The following NRXN2 variants were observed in gnomAD, a reference collection of about 807,000 sequenced individuals.
NRXN2 encodes the protein neurexin 2.
NRXN2 carries 29 observed loss-of-function variants against 128.8 expected under a neutral mutation model. The ratio of observed to expected loss-of-function variants is 0.23; its 90% CI spans 0.17 to 0.31. The LOEUF is 0.31. Among genes scored for constraint, NRXN2 ranks in the 10% least tolerant of loss-of-function variants. NRXN2 has a pLI of 1.00. For synonymous variants in NRXN2, 1,098 were observed against 1,075.2 expected, an observed-to-expected ratio of 1.02 and a Z score of -0.41; for missense variants, 1,881 against 2,452.6, an observed-to-expected ratio of 0.77 and a Z score of 4.92.
intron 2 of NRXN2, among the ~76,000 whole-genome samples, chr11:64,702,803 A>C (rs1310615775): frequency 6.6e-6 from 1 of 150,806 alleles, no homozygotes; most frequent in Non-Finnish European, 1.5e-5. Flanking sequence ...TCAATAAAAA[A>C]AAAAAATTAG....
At chr11:64,669,998 G>A (rs1025566290) in intron 7 of NRXN2, among the ~76,000 whole-genome samples, 2 of 151,954 alleles carry the variant, frequency 1.3e-5, no homozygotes, top group Non-Finnish European at 2.9e-5. Flanking sequence ...ATCTTCCAGC[G>A]ACTGGTCTCC....
chr11:64,607,824 C>A lies in NRXN2; in HGVS notation c.4511G>T (p.Ser1504Ile). ...GFASGEVFDS[S>I]LPPTDDEDFY... ...GTCCTCGTCGTCCGTGGGGGGGAGG[C>A]TGGAGTCAAAGACCTCCCCGGAGGC... Residue 1504 changes from serine (S) to isoleucine (I), a missense_variant, in exon 23 of 23, where the codon AGC becomes ATC. Ser to Ile is a moderately radical substitution (Grantham distance 142, BLOSUM62 -2). Around this residue, in one of 7 missense-constraint regions of NRXN2, gnomAD observed 310 missense variants for 318.2 expected, o/e 0.97. Coordinates refer to ENST00000265459, the MANE Select transcript of NRXN2 (RefSeq NM_015080.4). 6.2e-7 allele frequency: 1 copy of A among 1,602,166 alleles called. No homozygotes were observed. Among genetic ancestry groups the A allele is most frequent in the Non-Finnish European group, 8.5e-7 (1 of 1,174,988 alleles).
At chr11:64,703,800 T>A (rs906262329) in intron 2 of NRXN2, among the ~76,000 whole-genome samples, 5 of 152,152 alleles carry the variant, frequency 3.3e-5, no homozygotes, top group Non-Finnish European at 7.3e-5. Flanking sequence ...GTACCATTTA[T>A]TGATCACTCA....
Position 64,660,957 on chromosome 11 carries a change from G to T in NRXN2, c.1981C>A (p.Leu661Ile). The T allele has an allele frequency of 6.2e-7, 1 of 1,613,916 alleles. No individual in the cohort carries two copies. The highest frequency in any genetic ancestry group is 1.7e-4 in the Middle Eastern group (1 of 6,060). ...RAGYVGCVRDLFIDGRSRDLR... is the reference protein window; with the variant it reads ...RAGYVGCVRDIFIDGRSRDLR... ...TCTCGGCTACGCCCATCTATGAAGAGGTCCCGCACACAGCCCACGTAGCCT... is the reference window on the plus strand; with the variant it reads ...TCTCGGCTACGCCCATCTATGAAGATGTCCCGCACACAGCCCACGTAGCCT... The change falls in exon 10 of 23, where the codon CTC becomes ATC. Residue 661 changes from leucine to isoleucine, a missense_variant. By Grantham distance (5) the Leu-to-Ile change is conservative. Transcript: ENST00000265459. This position sits in a 1 kb window ranked among gnomAD's most constrained non-coding sequence, Gnocchi z 5.2.
rs772124714 is a variant in NRXN2, at chr11:64,652,141, T to C, written c.2430A>G (p.Glu810=). Residue 810 remains glutamate (E), a synonymous_variant, in exon 13 of 23, where the codon GAA becomes GAG. Coordinates refer to ENST00000265459, the MANE Select transcript of NRXN2 (RefSeq NM_015080.4). The part of the protein sequence containing the change: ...RVGCAPSKGP[E]TLFAGHKLND... ...TGAGCTTGTGCCCCGCAAACAGCGT[T>C]TCGGGGCCTTTACCTGCGGCACCAA... 3 of 1,612,440 alleles carry C rather than the reference T, an allele frequency of 1.9e-6. No homozygotes were observed. The Admixed American group carries it at 5.0e-5, about 27-fold the overall frequency.
intron 2 of NRXN2, among the ~76,000 whole-genome samples, chr11:64,708,514 T>C (rs1303836869): frequency 1.3e-5 from 2 of 152,164 alleles, no homozygotes; most frequent in Non-Finnish European, 2.9e-5. Context: ...TCAGCAACGG[T>C]AGACAGACTC....
intron 11 of NRXN2, among the ~76,000 whole-genome samples, chr11:64,656,525 G>A (rs978542295): frequency 5.9e-5 from 9 of 152,116 alleles, no homozygotes; most frequent in Admixed American, 1.3e-4. Context: ...GGGAGTGTAT[G>A]GGTGATTCAT....
chr11:64,642,204 C>G (rs780779100), intron 17 of NRXN2, among the ~76,000 whole-genome samples: 3 of 151,514 alleles, frequency 2.0e-5, no homozygotes, highest in Non-Finnish European at 2.9e-5. Flanking sequence ...CAGAGCTGCA[C>G]GGAGAGGATG....
rs1319578055 is a variant in NRXN2 at position 64,632,271 on chromosome 11, G to A, written c.3586-1698C>T. 6.6e-6 allele frequency among the ~76,000 whole-genome samples: 1 copy of A among 152,204 alleles called. No homozygotes were observed. Among genetic ancestry groups the A allele is most frequent in the African/African-American group, 2.4e-5 (1 of 41,444 alleles). ...AAACCACATACATATATGCATGCAT[G>A]CACGCTAACACACAGATGCATGCAC... On this transcript the variant is annotated intron_variant, in intron 18 of 22. Transcript: ENST00000265459. The surrounding 1 kb of genome is among the most constrained non-coding windows in gnomAD (Gnocchi z 4.2).
At chr11:64,659,437 G>GC in intron 11 of NRXN2, 1 of 152,378 alleles carries the variant, frequency 6.6e-6, no homozygotes, top group South Asian at 2.1e-4. Flanking sequence ...TCATGGTCTG[G>GC]CCCTCATGGA....
intron 1 of NRXN2, among the ~76,000 whole-genome samples, chr11:64,717,117 G>A (rs1048741330): frequency 3.3e-5 from 5 of 152,062 alleles, no homozygotes; most frequent in East Asian, 1.9e-4. Flanking sequence ...TGCCTCACAC[G>A]ACCACATCAA....
intron 17 of NRXN2, among the ~76,000 whole-genome samples, chr11:64,636,881 T>C (rs950431813): frequency 6.6e-6 from 1 of 152,038 alleles, no homozygotes; most frequent in Non-Finnish European, 1.5e-5. Context: ...CCCCTTGTAG[T>C]TGGGGCAATC....
intron 17 of NRXN2, among the ~76,000 whole-genome samples, chr11:64,639,840 A>C (rs1166486328): frequency 6.6e-6 from 1 of 152,130 alleles, no homozygotes; most frequent in African/African-American, 2.4e-5. Context: ...CTAGGGAGAC[A>C]CTGGGCAGAG....
At chr11:64,717,351 C>A (rs1282246943) in intron 1 of NRXN2, among the ~76,000 whole-genome samples, 1 of 152,196 alleles carries the variant, frequency 6.6e-6, no homozygotes, top group African/African-American at 2.4e-5. Context: ...CCACTGCTGG[C>A]CCAGAGCCGC....
At chr11:64,611,368 A>G (rs2040610688) in intron 22 of NRXN2, among the ~76,000 whole-genome samples, 1 of 152,112 alleles carries the variant, frequency 6.6e-6, no homozygotes, top group Admixed American at 6.5e-5. Context: ...CTTCCATCTT[A>G]GACTGGGCCA....
At chr11:64,653,257 G>A (rs1178178651) in intron 12 of NRXN2, among the ~76,000 whole-genome samples, 1 of 151,936 alleles carries the variant, frequency 6.6e-6, no homozygotes, top group Non-Finnish European at 1.5e-5. Context: ...CCTCTTTCCT[G>A]CATCCCTCGC....
rs138541866 is a variant in NRXN2, at chr11:64,640,370, C to T, written c.3404-4918G>A. On this transcript the variant is annotated intron_variant, in intron 17 of 22. Coordinates refer to ENST00000265459, the MANE Select transcript of NRXN2 (RefSeq NM_015080.4). ...CTCTCCTACACCTTCCTCTTCCACA[C>T]TCTCTTCATCCTGCAAAGCTCCCCA... 4.4e-3 allele frequency among the ~76,000 whole-genome samples: 676 copies of T among 152,344 alleles called. 1 individual carries two copies. The highest frequency in any genetic ancestry group is 6.7e-3 in the Non-Finnish European group (454 of 68,034).
intron 2 of NRXN2, among the ~76,000 whole-genome samples, 164 bp from the exon 3 acceptor site, chr11:64,697,956 C>T (rs897924703): frequency 6.6e-6 from 1 of 152,204 alleles, no homozygotes; most frequent in Admixed American, 6.5e-5. Flanking sequence ...TCTCAAGAAA[C>T]AGCTATGTTG....
In NRXN2 at chr11:64,648,966, G is replaced by A; in HGVS notation, c.3110-59C>T. The stretch of plus-strand genomic sequence containing the variant: ...GTCCCCATTCCCATCCCAAGACAAT[G>A]GCATCTGGCTGTCAGGTCCTCCCAG... On this transcript the variant is annotated intron_variant, in intron 15 of 22. Coordinates refer to ENST00000265459, the MANE Select transcript of NRXN2 (RefSeq NM_015080.4). The surrounding 1 kb of genome is among the most constrained non-coding windows in gnomAD (Gnocchi z 4.1). The A allele has an allele frequency of 1.3e-6, 2 of 1,575,184 alleles. No individual in the cohort carries two copies. The highest frequency in any genetic ancestry group is 1.7e-6 in the Non-Finnish European group (2 of 1,145,718).
Sources: gnomAD v4.1 joint callset for allele counts (sites outside exome capture counted in the v4.1 genomes callset) on GRCh38, gnomAD v4.1.1 for gene constraint, gnomAD v4.1.1 regional missense constraint, Gnocchi (gnomAD v3.1) non-coding constraint, MANE v1.5 for transcripts, NCBI Gene and HGNC (gene_info 2026-07-23, HGNC 2026-07-21) for gene names.